The following BCAS1 variants were observed in gnomAD, a reference collection of about 807,000 sequenced individuals.
BCAS1 encodes breast carcinoma-amplified sequence 1.
In BCAS1, 46 loss-of-function variants were observed where a neutral mutation model predicts 65.4. The ratio of observed to expected loss-of-function variants is 0.70; its 90% CI spans 0.55 to 0.90. The LOEUF (loss-of-function observed/expected upper bound fraction) is 0.90. Among genes scored for constraint, BCAS1 ranks in the 40% least tolerant of loss-of-function variants. BCAS1 has a pLI of 0.00. For synonymous variants in BCAS1, 298 were observed against 293.5 expected, an observed-to-expected ratio of 1.02 and a Z score of -0.16; for missense variants, 793 against 771.2, an observed-to-expected ratio of 1.03 and a Z score of -0.33.
intron 8 of BCAS1, among the ~76,000 whole-genome samples, chr20:53,982,212 T>C (rs1257528031): frequency 1.3e-5 from 2 of 152,172 alleles, no homozygotes; most frequent in African/African-American, 4.8e-5. Context: ...TGTATCCCAA[T>C]CCTCTTATTC....
chr20:54,048,329 C>T (rs1407978885), intron 3 of BCAS1, among the ~76,000 whole-genome samples: 4 of 152,142 alleles, frequency 2.6e-5, no homozygotes, highest in African/African-American at 4.8e-5. Flanking sequence ...AATAGCCAAT[C>T]GTCTCCAGCC....
At chr20:53,997,199 C>T (rs2090939508) in intron 4 of BCAS1, among the ~76,000 whole-genome samples, 1 of 152,208 alleles carries the variant, frequency 6.6e-6, no homozygotes, top group Non-Finnish European at 1.5e-5. Context: ...TCCCATTAGA[C>T]TACAAACTCG....
chr20:54,058,616 G>GTT, intron 2 of BCAS1, 31 bp downstream of exon 2: 1 of 1,043,766 alleles, frequency 9.6e-7, no homozygotes, highest in Non-Finnish European at 1.2e-6. Flanking sequence ...TTTTTTTTCT[G>GTT]CTGATGCCCC....
chr20:54,034,230 G>A (rs1258406593), intron 3 of BCAS1, among the ~76,000 whole-genome samples: 2 of 151,354 alleles, frequency 1.3e-5, no homozygotes, highest in Non-Finnish European at 3.0e-5. Context: ...CATAAGACAA[G>A]GATGATCTCT....
At chr20:54,058,052 G>A in intron 3 of BCAS1, 33 bp downstream of exon 3, 1 of 1,543,874 alleles carries the variant, frequency 6.5e-7, no homozygotes, top group Non-Finnish European at 8.9e-7. Context: ...TTCCCCACGA[G>A]AGGGTAGATG....
intron 12 of BCAS1, among the ~76,000 whole-genome samples, chr20:53,950,393 C>T (rs913865060): frequency 4.6e-5 from 7 of 152,034 alleles, no homozygotes; most frequent in Non-Finnish European, 1.0e-4. Flanking sequence ...AGATGTATCT[C>T]CTCAGAGACA....
chr20:53,992,630 C>T lies in BCAS1; in HGVS notation c.944G>A (p.Ser315Asn), dbSNP rs773482865. Reference protein sequence around the residue: ...DPEDTASKAESVCDGQAGQKT... With the variant: ...DPEDTASKAENVCDGQAGQKT... The stretch of plus-strand genomic sequence containing the variant: ...CTGACCAGCTTGTCCATCACAGACA[C>T]TTTCTGCTTTCGATGCCTTTGGGGC... The change falls in exon 7 of 13, where the codon AGT becomes AAT. Residue 315 changes from serine (S) to asparagine (N), a missense_variant. Physicochemically the swap from Ser to Asn is conservative, Grantham distance 46 (BLOSUM62 1). Transcript: ENST00000688948. 1 of 1,366,082 alleles carries T rather than the reference C, an allele frequency of 7.3e-7. No individual in the cohort carries two copies. The highest frequency in any genetic ancestry group is 1.1e-5 in the South Asian group (1 of 88,016). 84.6% of individuals were successfully genotyped at this position (1,366,082 alleles called of 1,614,324 possible). A position where few individuals can be genotyped will look rare whatever the true frequency, so the allele number is the denominator to read the frequency against.
At chr20:53,970,162 G>A (rs1032468252) in intron 9 of BCAS1, among the ~76,000 whole-genome samples, 1 of 152,228 alleles carries the variant, frequency 6.6e-6, no homozygotes, top group African/African-American at 2.4e-5. Flanking sequence ...CAATAACTCT[G>A]TAAATCAATT....
At chr20:54,035,327 G>C (rs1435106937) in intron 3 of BCAS1, among the ~76,000 whole-genome samples, 1 of 148,662 alleles carries the variant, frequency 6.7e-6, no homozygotes, top group Admixed American at 6.7e-5. Context: ...TGTGAACCCG[G>C]GAGACAGAGC....
chr20:54,053,382 G>A (rs555899682), intron 3 of BCAS1, among the ~76,000 whole-genome samples: 40 of 152,274 alleles, frequency 2.6e-4, no homozygotes, highest in African/African-American at 9.4e-4. Context: ...TTCTTTCTAG[G>A]AGGATACAGA....
At chr20:54,058,211 T>C in intron 2 of BCAS1, 57 bp from the exon 3 acceptor site, 1 of 1,485,154 alleles carries the variant, frequency 6.7e-7, no homozygotes, top group African/African-American at 1.4e-5. Context: ...TCAGAAGAAC[T>C]CAAGGAAGAA....
rs767672431 is a variant in BCAS1, at chr20:54,028,422, T to C, written c.693A>G (p.Ser231=). 1.2e-6 allele frequency: 2 copies of C among 1,614,228 alleles called. No individual in the cohort carries two copies. Among genetic ancestry groups the C allele is most frequent in the African/African-American group, 2.7e-5 (2 of 75,070 alleles). ...QDKVDEVPGL[S]GQSDDVPAGK... is the part of the protein sequence containing the mutation. ...CTGCAGGGACATCATCGGACTGCCC[T>C]GATAAGCCAGGAACCTCATCCACCT... The change falls in exon 4 of 13, where the codon TCA becomes TCG. Residue 231 remains serine (S), a synonymous_variant. Transcript: ENST00000688948.
chr20:53,998,926 T>C (rs1388013097), intron 4 of BCAS1, among the ~76,000 whole-genome samples: 1 of 152,160 alleles, frequency 6.6e-6, no homozygotes, highest in Non-Finnish European at 1.5e-5. Context: ...CAATTAACAG[T>C]TTCAAACAAT....
chr20:54,012,990 C>T (rs2091355551), intron 4 of BCAS1, among the ~76,000 whole-genome samples: 3 of 152,120 alleles, frequency 2.0e-5, no homozygotes, highest in Admixed American at 2.0e-4. Context: ...TTTTAAGTTC[C>T]TGCCACTTTA....
At chr20:53,977,699 T>C (rs1376682331) in intron 8 of BCAS1, among the ~76,000 whole-genome samples, 2 of 152,212 alleles carry the variant, frequency 1.3e-5, no homozygotes, top group African/African-American at 4.8e-5. Flanking sequence ...CATTATGGTT[T>C]CAGACCTCCA....
intron 7 of BCAS1, among the ~76,000 whole-genome samples, chr20:53,989,667 C>T (rs1432458544): frequency 2.0e-5 from 3 of 152,172 alleles, no homozygotes; most frequent in African/African-American, 7.2e-5. Context: ...CCTGCCTTCC[C>T]AAAGAAGTCC....
chr20:54,002,738 T>C (rs1391538664), intron 4 of BCAS1, among the ~76,000 whole-genome samples: 1 of 152,230 alleles, frequency 6.6e-6, no homozygotes. Context: ...TATAAATGAA[T>C]AAATGAAGGG....
At position 54,058,109 on chromosome 20, in the gene BCAS1, G is replaced by A; in HGVS notation, c.118C>T (p.His40Tyr). 4.3e-6 allele frequency: 7 copies of A among 1,613,652 alleles called. No individual in the cohort carries two copies. The highest frequency in any genetic ancestry group is 5.9e-6 in the Non-Finnish European group (7 of 1,179,930). The change falls in exon 3 of 13, where the codon CAC (histidine) becomes TAC (tyrosine). Residue 40 changes from histidine (H) to tyrosine (Y), a missense_variant. Physicochemically the swap from His to Tyr is moderately conservative, Grantham distance 83. Transcript: ENST00000688948. ...CCTTCCTCTAAGTGCTGAACTGTGT[G>A]GGTCGACACCACCACTGGAACCCCG... ...LNGVPVVVST[H>Y]TVQHLEEVDL...
intron 3 of BCAS1, among the ~76,000 whole-genome samples, chr20:54,046,044 A>C (rs1452408878): frequency 6.6e-6 from 1 of 152,222 alleles, no homozygotes; most frequent in African/African-American, 2.4e-5. Context: ...CCAAAACAAC[A>C]ATAACAGAAA....
Sources: allele counts gnomAD v4.1 joint callset (sites outside exome capture counted in the v4.1 genomes callset), GRCh38; gene constraint gnomAD v4.1.1; transcripts MANE v1.5; gene names NCBI Gene and HGNC (gene_info 2026-07-23, HGNC 2026-07-21).